The following CHRNA7 variants were observed in gnomAD, a reference collection of about 807,000 sequenced individuals.
CHRNA7 encodes cholinergic receptor nicotinic alpha 7 subunit.
CHRNA7 carries 17 observed loss-of-function variants against 48.0 expected under a neutral mutation model. The ratio of observed to expected loss-of-function variants is 0.35; its 90% CI spans 0.24 to 0.53. The LOEUF is 0.53. CHRNA7 is among the 20% of genes least tolerant of loss of function. The pLI is 0.92. For synonymous variants in CHRNA7, 75 were observed against 242.3 expected (o/e 0.31, Z 6.41); for missense variants, 155 against 577.7 (o/e 0.27, Z 7.50).
chr15:32,131,948 G>C (rs1032381195), intron 4 of CHRNA7, among the ~76,000 whole-genome samples: 5 of 151,346 alleles, frequency 3.3e-5, no homozygotes, highest in African/African-American at 1.2e-4. Context: ...GGGAGTGGAA[G>C]TCCAGGCTCC....
At chr15:32,042,701 T>G (rs986593238) in intron 2 of CHRNA7, among the ~76,000 whole-genome samples, 1 of 152,194 alleles carries the variant, frequency 6.6e-6, no homozygotes, top group African/African-American at 2.4e-5. Context: ...ATGTCCCTGT[T>G]TGTCCCCCTA....
intron 2 of CHRNA7, chr15:32,099,770 T>G (rs1246541237): frequency 6.6e-6 from 1 of 152,270 alleles, no homozygotes; most frequent in Non-Finnish European, 1.5e-5. Context: ...TCCAGCCACT[T>G]AAATGGATAG....
intron 2 of CHRNA7, among the ~76,000 whole-genome samples, chr15:32,088,635 A>G (rs998114271): frequency 5.9e-5 from 9 of 152,158 alleles, no homozygotes; most frequent in East Asian, 1.9e-4. Context: ...CGATAGGTAT[A>G]TGGTGGTATT....
At chr15:32,124,221 A>G (rs1278847634) in intron 4 of CHRNA7, among the ~76,000 whole-genome samples, 1 of 152,196 alleles carries the variant, frequency 6.6e-6, no homozygotes, top group Non-Finnish European at 1.5e-5. Flanking sequence ...CAAATGCCAT[A>G]AGAAGAAACA....
chr15:32,127,462 G>C (rs893756784), intron 4 of CHRNA7, among the ~76,000 whole-genome samples: 2 of 152,094 alleles, frequency 1.3e-5, no homozygotes, highest in Non-Finnish European at 2.9e-5. Flanking sequence ...AGAATTTGGT[G>C]TTATCACTAT....
chr15:32,046,652 G>T (rs1008379409), intron 2 of CHRNA7, among the ~76,000 whole-genome samples: 4 of 151,934 alleles, frequency 2.6e-5, no homozygotes, highest in Admixed American at 1.3e-4. Flanking sequence ...TTCTTTTGCT[G>T]TGCAGAAGCT....
At chr15:32,134,393 A>G (rs1315919011) in intron 4 of CHRNA7, among the ~76,000 whole-genome samples, 1 of 152,126 alleles carries the variant, frequency 6.6e-6, no homozygotes, top group Non-Finnish European at 1.5e-5. Flanking sequence ...TCCTGACCTC[A>G]GGTGATCCGC....
intron 4 of CHRNA7, among the ~76,000 whole-genome samples, chr15:32,132,268 G>A (rs1256022619): frequency 6.6e-6 from 1 of 152,054 alleles, no homozygotes; most frequent in Non-Finnish European, 1.5e-5. Flanking sequence ...GTACCTGTTG[G>A]GGTTTTTTTG....
chr15:32,114,823 C>T (rs1046090744), intron 4 of CHRNA7, among the ~76,000 whole-genome samples: 1 of 152,364 alleles, frequency 6.6e-6, no homozygotes, highest in East Asian at 1.9e-4. Context: ...GGCTGGTTGT[C>T]TCTTTCACGT....
chr15:32,052,012 C>T (rs1429718851), intron 2 of CHRNA7, among the ~76,000 whole-genome samples: 1 of 152,142 alleles, frequency 6.6e-6, no homozygotes, highest in Non-Finnish European at 1.5e-5. Context: ...AAATTTTCCA[C>T]TTTTCTCTTA....
intron 2 of CHRNA7, among the ~76,000 whole-genome samples, chr15:32,052,152 G>C (rs1251676320): frequency 6.6e-6 from 1 of 150,806 alleles, no homozygotes; most frequent in Non-Finnish European, 1.5e-5. Flanking sequence ...TCTTGTCCCT[G>C]CAATTCCTCA....
intron 2 of CHRNA7, among the ~76,000 whole-genome samples, chr15:32,061,901 A>AC (rs2049885658): frequency 6.6e-6 from 1 of 152,224 alleles, no homozygotes; most frequent in African/African-American, 2.4e-5. Flanking sequence ...TGGGAAAGCT[A>AC]CCACACCTCT....
At chr15:32,141,993 G>A (rs1037868760) in intron 4 of CHRNA7, among the ~76,000 whole-genome samples, 1 of 152,172 alleles carries the variant, frequency 6.6e-6, no homozygotes, top group Non-Finnish European at 1.5e-5. Context: ...TCCTTGTCTT[G>A]TGCCAGTTTT....
At chr15:32,107,295 C>T (rs1459595897) in intron 3 of CHRNA7, among the ~76,000 whole-genome samples, 1 of 152,078 alleles carries the variant, frequency 6.6e-6, no homozygotes, top group Non-Finnish European at 1.5e-5. Context: ...ATGGTGTACC[C>T]AGGCTACCCA....
chr15:32,088,558 G>A (rs778814845), intron 2 of CHRNA7, among the ~76,000 whole-genome samples: 14 of 152,132 alleles, frequency 9.2e-5, no homozygotes, highest in Non-Finnish European at 1.5e-4. Context: ...AGCAATGAAC[G>A]AGCCTTCCTG....
chr15:32,052,732 T>C (rs996505904), intron 2 of CHRNA7, among the ~76,000 whole-genome samples: 3 of 151,918 alleles, frequency 2.0e-5, no homozygotes, highest in Non-Finnish European at 2.9e-5. Flanking sequence ...CATCTCAAAA[T>C]AAATAAATAA....
chr15:32,144,649 C>T (rs1450714717), intron 4 of CHRNA7, among the ~76,000 whole-genome samples: 1 of 152,204 alleles, frequency 6.6e-6, no homozygotes, highest in East Asian at 1.9e-4. Flanking sequence ...TGTCTTCTCA[C>T]TTCATTTCAT....
At chr15:32,093,991 C>T (rs2050424882) in intron 2 of CHRNA7, among the ~76,000 whole-genome samples, 1 of 152,180 alleles carries the variant, frequency 6.6e-6, no homozygotes, top group South Asian at 2.1e-4. Context: ...GTCTCTGCCT[C>T]AGTGGCTCTT....
At chr15:32,116,927 C>T (rs1365651503) in intron 4 of CHRNA7, among the ~76,000 whole-genome samples, 2 of 152,182 alleles carry the variant, frequency 1.3e-5, no homozygotes, top group African/African-American at 4.8e-5. Context: ...TTTCCTGACC[C>T]TGTGGCTGAT....
Sources: allele counts gnomAD v4.1 joint callset (sites outside exome capture counted in the v4.1 genomes callset), GRCh38; gene constraint gnomAD v4.1.1; transcripts MANE v1.5; gene names NCBI Gene and HGNC (gene_info 2026-07-23, HGNC 2026-07-21).